The following SYNJ2 variants were observed in gnomAD, a reference collection of about 807,000 sequenced individuals.
SYNJ2 encodes synaptojanin 2.
Under a neutral mutation model 141.3 loss-of-function variants are expected in SYNJ2, and 116 were observed. That is an observed-to-expected ratio of 0.82 (90% CI 0.71 to 0.96). The LOEUF (loss-of-function observed/expected upper bound fraction) is 0.96, where lower values mean the gene tolerates loss of function less well. Among genes scored for constraint, SYNJ2 ranks in the 40% least tolerant of loss-of-function variants. The pLI is 0.00. For missense variants in SYNJ2, 1,873 were observed against 1,934.8 expected (o/e 0.97, Z 0.60); for synonymous variants, 745 against 777.7 (o/e 0.96, Z 0.70).
intron 1 of SYNJ2, among the ~76,000 whole-genome samples, chr6:158,007,865 T>C (rs1778129984): frequency 6.6e-6 from 1 of 152,286 alleles, no homozygotes; most frequent in South Asian, 2.1e-4. Context: ...CACAGCTCAC[T>C]GTAGTCTTGA....
intron 1 of SYNJ2, among the ~76,000 whole-genome samples, chr6:158,014,987 A>G (rs1024407182): frequency 1.3e-5 from 2 of 152,166 alleles, no homozygotes; most frequent in African/African-American, 4.8e-5. Context: ...GTTGAGAGGA[A>G]CCAGGAAATC....
chr6:158,037,318 T>C (rs142624913), intron 4 of SYNJ2, among the ~76,000 whole-genome samples: 1 of 151,608 alleles, frequency 6.6e-6, no homozygotes, highest in African/African-American at 2.4e-5. Context: ...CGTTTTCGTG[T>C]GGCCTTCTCT....
At chr6:157,985,164 C>T (rs1003524095) in intron 1 of SYNJ2, among the ~76,000 whole-genome samples, 3 of 152,208 alleles carry the variant, frequency 2.0e-5, no homozygotes, top group Non-Finnish European at 4.4e-5. Context: ...GAGACAGGGG[C>T]TTGAACTGGG....
rs534963140 is a variant in SYNJ2, at chr6:158,043,133, G to T, written c.712-183G>T. Among the ~76,000 whole-genome samples the T allele has an allele frequency of 6.6e-6, 1 of 152,120 alleles. No individual in the cohort carries two copies. The highest frequency in any genetic ancestry group is 2.1e-4 in the South Asian group (1 of 4,816). On this transcript the variant is annotated intron_variant, in intron 4 of 26. Coordinates refer to ENST00000355585, the MANE Select transcript of SYNJ2 (RefSeq NM_003898.4). The surrounding 1 kb of genome is among the most constrained non-coding windows in gnomAD (Gnocchi z 4.0). ...AGGCTGGTCGACAGCCAGCATGCCC[G>T]CCCAGTACCTGGCGAGAGGTCAGGG...
chr6:158,019,584 G>A (rs943849939), intron 2 of SYNJ2, among the ~76,000 whole-genome samples: 5 of 152,194 alleles, frequency 3.3e-5, no homozygotes, highest in Non-Finnish European at 7.4e-5. Flanking sequence ...GGCTGCCCTA[G>A]GCGAGGCCTC....
rs577429969 is a variant in SYNJ2 at position 158,054,958 on chromosome 6, T to G, written c.796-9T>G. ...GAAGAATCACTGTTGTTACTTCTCT[T>G]TGCTTTAGGTTGGCTCCCATCATCT... On this transcript the variant is annotated splice_polypyrimidine_tract_variant and intron_variant, in intron 5 of 26. Coordinates refer to ENST00000355585, the MANE Select transcript of SYNJ2 (RefSeq NM_003898.4). 1.9e-6 allele frequency: 3 copies of G among 1,613,992 alleles called. No homozygotes were observed. Among genetic ancestry groups the G allele is most frequent in the Non-Finnish European group, 2.5e-6 (3 of 1,179,964 alleles).
At chr6:158,011,802 GCACAAAGGCCTCCTTGTTTCGTGGTT>G (rs1299284217) in intron 1 of SYNJ2, among the ~76,000 whole-genome samples, 4 of 152,180 alleles carry the variant, frequency 2.6e-5, no homozygotes, top group African/African-American at 9.7e-5. Context: ...TTGAATGAAT[GCACAAAGGCCTCCTTGTTTCGTGGTT>G]CACAAAGTCA....
chr6:157,997,458 C>T (rs1315944558), intron 1 of SYNJ2, among the ~76,000 whole-genome samples: 5 of 152,098 alleles, frequency 3.3e-5, no homozygotes, highest in East Asian at 1.9e-4. Context: ...GGAAGACAGC[C>T]ATATGACAAT....
At chr6:158,047,925 T>G (rs1780347207) in intron 5 of SYNJ2, among the ~76,000 whole-genome samples, 1 of 152,012 alleles carries the variant, frequency 6.6e-6, no homozygotes, top group Non-Finnish European at 1.5e-5. Flanking sequence ...GCATGGCTCT[T>G]GGTGCCGTGA....
intron 6 of SYNJ2, among the ~76,000 whole-genome samples, chr6:158,055,605 T>C (rs2128356587): frequency 6.6e-6 from 1 of 152,242 alleles, no homozygotes; most frequent in African/African-American, 2.4e-5. Flanking sequence ...AGCAGAGCTA[T>C]TTGTAATATG....
At chr6:158,087,875 CTTTTTTTTTTT>C (rs749329722) in intron 23 of SYNJ2, among the ~76,000 whole-genome samples, 4 of 94,502 alleles carry the variant, frequency 4.2e-5, no homozygotes, top group Non-Finnish European at 6.6e-5. Context: ...CAACATACTT[CTTTTTTTTTTT>C]TTTTTTTTTT....
At chr6:158,017,488 C>T in intron 2 of SYNJ2, 198 bp downstream of exon 2, 1 of 700,550 alleles carries the variant, frequency 1.4e-6, no homozygotes, top group South Asian at 2.0e-5. Flanking sequence ...GATCTCGGCT[C>T]ACCACAACCT....
In SYNJ2 at chr6:158,087,812, C is replaced by T. The variant is rs557528548; in HGVS notation, c.3343+823C>T. On this transcript the variant is annotated intron_variant, in intron 23 of 26. Coordinates refer to ENST00000355585, the MANE Select transcript of SYNJ2 (RefSeq NM_003898.4). ...ATTTTAAAATTCACTTGATGACCTA[C>T]GGGTCGTAGTTGTTGAAAAAAGTCT... Among the ~76,000 whole-genome samples, 9 of 149,908 alleles carry T rather than the reference C, an allele frequency of 6.0e-5. No homozygotes were observed. The South Asian group carries it at 1.5e-3, about 24-fold the overall frequency.
chr6:157,985,328 T>C (rs754312440), intron 1 of SYNJ2, among the ~76,000 whole-genome samples: 2 of 152,270 alleles, frequency 1.3e-5, no homozygotes, highest in Non-Finnish European at 1.5e-5. Flanking sequence ...GTTGAAGGAA[T>C]TATTCCAAAT....
At chr6:158,065,076 A>C in intron 11 of SYNJ2, 85 bp downstream of exon 11, 1 of 1,429,376 alleles carries the variant, frequency 7.0e-7, no homozygotes, top group Non-Finnish European at 9.2e-7. Context: ...CTATCCAGAG[A>C]GCGGGTGGCA....
At chr6:158,010,425 G>GCCCC (rs947888779) in intron 1 of SYNJ2, among the ~76,000 whole-genome samples, 3 of 152,250 alleles carry the variant, frequency 2.0e-5, no homozygotes, top group African/African-American at 7.2e-5. Flanking sequence ...AGGCTGCCAG[G>GCCCC]CCCCTGCCTT....
intron 22 of SYNJ2, among the ~76,000 whole-genome samples, chr6:158,085,159 ACAGGGTTGCACCAG>A (rs1307810262): frequency 6.6e-6 from 1 of 151,736 alleles, no homozygotes; most frequent in Admixed American, 6.6e-5. Flanking sequence ...AGCTGGGACT[ACAGGGTTGCACCAG>A]CATGCCCAGA....
At chr6:158,090,542 G>GTTTTT (rs58356198) in intron 25 of SYNJ2, among the ~76,000 whole-genome samples, 24 of 113,918 alleles carry the variant, frequency 2.1e-4, no homozygotes, top group East Asian at 5.2e-4. Flanking sequence ...TTTTTTTTTT[G>GTTTTT]TTTTTTTTTT....
intron 5 of SYNJ2, 121 bp from the exon 6 acceptor site, chr6:158,054,846 A>C (rs746931492): frequency 4.4e-6 from 4 of 917,720 alleles, no homozygotes; most frequent in Non-Finnish European, 5.1e-6. Flanking sequence ...GAGACCACAG[A>C]GGTGGCCTAG....
Sources: gnomAD v4.1 joint callset for allele counts (sites outside exome capture counted in the v4.1 genomes callset) on GRCh38, gnomAD v4.1.1 for gene constraint, Gnocchi (gnomAD v3.1) non-coding constraint, MANE v1.5 for transcripts, NCBI Gene and HGNC (gene_info 2026-07-23, HGNC 2026-07-21) for gene names.